The following GPR84 variants were observed in gnomAD, a reference collection of about 807,000 sequenced individuals.
GPR84 encodes G protein-coupled receptor 84.
GPR84 carries 8 observed loss-of-function variants against 14.9 expected under a neutral mutation model. That is an observed-to-expected ratio of 0.54 (90% CI 0.31 to 0.97). The LOEUF is 0.97. Among genes scored for constraint, GPR84 ranks in the 50% least tolerant of loss-of-function variants. The pLI is 0.04. For missense variants in GPR84, 424 were observed against 498.7 expected, an observed-to-expected ratio of 0.85 and a Z score of 1.43; for synonymous variants, 164 against 198.1, an observed-to-expected ratio of 0.83 and a Z score of 1.45.
chr12:54,354,728 A>G, the GPR84 span, among the ~76,000 whole-genome samples: 1 of 150,620 alleles, frequency 6.6e-6, no homozygotes, highest in Non-Finnish European at 1.5e-5. Context: ...TATAGGTGTG[A>G]GCCACCATGC....
the GPR84 span, among the ~76,000 whole-genome samples, chr12:54,357,282 T>C: frequency 3.5e-3 from 539 of 152,342 alleles, 5 homozygotes; most frequent in African/African-American, 0.012. Context: ...CGCATGTGCA[T>C]TGTGGCCAGC....
the GPR84 span, among the ~76,000 whole-genome samples, chr12:54,354,771 C>A: frequency 6.6e-6 from 1 of 151,918 alleles, no homozygotes; most frequent in Non-Finnish European, 1.5e-5. Context: ...CAATCTCTTC[C>A]CTCTCATTTC....
At chr12:54,356,898 G>A in the GPR84 span, among the ~76,000 whole-genome samples, 5 of 152,336 alleles carry the variant, frequency 3.3e-5, no homozygotes, top group East Asian at 9.6e-4. Flanking sequence ...GAGAATGGGA[G>A]AGGACAAAAG....
At chr12:54,361,591 G>A (rs1047307094), downstream of GPR84, among the ~76,000 whole-genome samples, 1 of 152,058 alleles carries the variant, frequency 6.6e-6, no homozygotes, top group Non-Finnish European at 1.5e-5. The surrounding 1 kb of genome is among the most constrained non-coding windows in gnomAD (Gnocchi z 4.3). Context: ...GGCTGGTCTC[G>A]AACTCCTGAC....
chr12:54,359,202 T>C (rs566562278), downstream of GPR84, among the ~76,000 whole-genome samples: 1 of 152,128 alleles, frequency 6.6e-6, no homozygotes, highest in African/African-American at 2.4e-5. Flanking sequence ...TCCCCGCGGC[T>C]GCTGAGCCAT....
At chr12:54,351,747 T>C in the GPR84 span, 1 of 152,182 alleles carries the variant, frequency 6.6e-6, no homozygotes. Context: ...TAACGGGGCA[T>C]ATTTAAGGGG....
the GPR84 span, among the ~76,000 whole-genome samples, chr12:54,352,661 G>A: frequency 3.3e-5 from 5 of 152,140 alleles, no homozygotes; most frequent in African/African-American, 1.2e-4. Flanking sequence ...ATGGGGGAAG[G>A]AAGGTAGCAG....
the GPR84 span, among the ~76,000 whole-genome samples, chr12:54,352,560 G>A: frequency 3.3e-5 from 5 of 152,106 alleles, no homozygotes; most frequent in East Asian, 1.9e-4. Context: ...AGTTTGAAGG[G>A]TCTCCTCAGT....
At chr12:54,359,185 A>AC (rs1185962417), downstream of GPR84, among the ~76,000 whole-genome samples, 2 of 151,214 alleles carry the variant, frequency 1.3e-5, no homozygotes, top group Non-Finnish European at 2.9e-5. Context: ...TAGCAGCTGC[A>AC]CCCCCCTCCC....
downstream of GPR84, among the ~76,000 whole-genome samples, chr12:54,358,814 C>G (rs1321465233): frequency 6.6e-6 from 1 of 152,018 alleles, no homozygotes; most frequent in Non-Finnish European, 1.5e-5. Context: ...TCCTTCTCTC[C>G]TCAACCTTCC....
At position 54,362,719 on chromosome 12, in the gene GPR84, C is replaced by T. The variant is rs137983696; in HGVS notation, c.1133G>A (p.Arg378His). ...TTTTAAAATGGAGCCATATGCTTGG[C>T]GGAATTGGCGGTTCATGGCTGCATA... is the stretch of plus-strand genomic sequence containing the variant. ...VLYAAMNRQF[R>H]QAYGSILKRG... The change falls in exon 2 of 2, where the codon CGC (arginine) becomes CAC (histidine). Residue 378 changes from arginine (R) to histidine (H), a missense_variant. Arg to His is a conservative substitution (Grantham distance 29). Transcript: ENST00000267015. The surrounding 1 kb of genome is among the most constrained non-coding windows in gnomAD (Gnocchi z 4.0). The T allele has an allele frequency of 3.4e-4, 555 of 1,613,798 alleles. 2 individuals carry two copies. The highest frequency in any genetic ancestry group is 4.3e-4 in the Non-Finnish European group (511 of 1,179,780).
downstream of GPR84, among the ~76,000 whole-genome samples, chr12:54,359,931 T>G (rs989435544): frequency 2.9e-5 from 4 of 135,622 alleles, no homozygotes; most frequent in Non-Finnish European, 6.1e-5. Flanking sequence ...GTCTCCTGAG[T>G]TTTTTTTTTT....
chr12:54,357,004 C>A, the GPR84 span, among the ~76,000 whole-genome samples: 5 of 152,238 alleles, frequency 3.3e-5, no homozygotes, highest in Admixed American at 2.0e-4. Context: ...CCCCCTTCCC[C>A]CAGTTGAAGA....
At chr12:54,353,566 T>G in the GPR84 span, 1 of 151,616 alleles carries the variant, frequency 6.6e-6, no homozygotes, top group Admixed American at 6.6e-5. Flanking sequence ...TCCCTCTCCC[T>G]CCCCCTGATG....
chr12:54,363,143 G>A lies in GPR84; in HGVS notation c.709C>T (p.Arg237Cys), dbSNP rs200109405. ...VARTDEAMPG[R>C]FQELDSRLAS... ...AACCTGCTGTCCAGCTCCTGGAAAC[G>A]ACCAGGCATGGCCTCATCAGTCCTG... Residue 237 changes from arginine (R) to cysteine (C), a missense_variant, in exon 2 of 2, where the codon CGT (arginine) becomes TGT (cysteine). By Grantham distance (180) the Arg-to-Cys change is radical. Coordinates refer to ENST00000267015, the MANE Select transcript of GPR84 (RefSeq NM_020370.3). 2.0e-5 allele frequency: 32 copies of A among 1,614,162 alleles called. No individual in the cohort carries two copies. The highest frequency in any genetic ancestry group is 1.8e-4 in the Admixed American group (11 of 60,030).
At position 54,363,416 on chromosome 12, in the gene GPR84, C is replaced by T. The variant is rs1345370079; in HGVS notation, c.436G>A (p.Val146Ile). ...GGAGCAAAGCTGGCCACGCCCACAA[C>T]CCAGGTGCTCACCAGTGCCAGCACT... The part of the protein sequence containing the change: ...GIVLALVSTW[V>I]VGVASFAPLW... The change falls in exon 2 of 2, where the codon GTT (valine) becomes ATT (isoleucine). Residue 146 changes from valine to isoleucine, a missense_variant. Transcript: ENST00000267015. 1.2e-6 allele frequency: 2 copies of T among 1,614,050 alleles called. No homozygotes were observed. The highest frequency in any genetic ancestry group is 1.7e-6 in the Non-Finnish European group (2 of 1,179,976).
chr12:54,359,083 T>G (rs1043055813), downstream of GPR84, among the ~76,000 whole-genome samples: 1 of 151,452 alleles, frequency 6.6e-6, no homozygotes, highest in South Asian at 2.1e-4. Flanking sequence ...GCGCCATTCC[T>G]TGAGGGGAGG....
the GPR84 span, chr12:54,351,647 C>T: frequency 6.6e-6 from 1 of 152,170 alleles, no homozygotes; most frequent in Non-Finnish European, 1.5e-5. Context: ...AACTTCCTCC[C>T]CACAAAAATG....
At chr12:54,358,640 G>A (rs1954234241), downstream of GPR84, among the ~76,000 whole-genome samples, 1 of 152,086 alleles carries the variant, frequency 6.6e-6, no homozygotes, top group African/African-American at 2.4e-5. Flanking sequence ...TCTGGATAGT[G>A]AGATTTGAAA....
Sources: gnomAD v4.1 joint callset for allele counts (sites outside exome capture counted in the v4.1 genomes callset) on GRCh38, gnomAD v4.1.1 for gene constraint, Gnocchi (gnomAD v3.1) non-coding constraint, MANE v1.5 for transcripts, NCBI Gene and HGNC (gene_info 2026-07-23, HGNC 2026-07-21) for gene names.